The following NRXN3 variants were observed in gnomAD, a reference collection of about 807,000 sequenced individuals.
NRXN3 encodes the protein neurexin 3.
Under a neutral mutation model 137.6 loss-of-function variants are expected in NRXN3, and 32 were observed. That is an observed-to-expected ratio of 0.23 (90% CI 0.18 to 0.31). The LOEUF (loss-of-function observed/expected upper bound fraction) is 0.31, where lower values mean the gene tolerates loss of function less well. Ranked by LOEUF, NRXN3 falls within the 10% of genes least tolerant of loss-of-function variation. The pLI is 1.00. For synonymous variants in NRXN3, 798 were observed against 784.5 expected, an observed-to-expected ratio of 1.02 and a Z score of -0.29; for missense variants, 1,574 against 2,062.5, an observed-to-expected ratio of 0.76 and a Z score of 4.59.
chr14:79,241,199 A>C lies in NRXN3; in HGVS notation c.3263-226022A>C, dbSNP rs75310262. Among the ~76,000 whole-genome samples the C allele has an allele frequency of 8.5e-3, 1,295 of 152,298 alleles. 11 individuals are homozygous for C. Among genetic ancestry groups the C allele is most frequent in the Middle Eastern group, 0.034 (10 of 294 alleles). On this transcript the variant is annotated intron_variant, in intron 15 of 20. Transcript: ENST00000335750. ...GATAGGACAAGATGAAAAATAGCCTAGGAAAGATCAAGAAAGACCAACATC... is the reference window on the plus strand; with the variant it reads ...GATAGGACAAGATGAAAAATAGCCTCGGAAAGATCAAGAAAGACCAACATC...
intron 15 of NRXN3, among the ~76,000 whole-genome samples, chr14:79,016,097 C>G (rs1475779919): frequency 6.6e-6 from 1 of 152,116 alleles, no homozygotes; most frequent in Non-Finnish European, 1.5e-5. Flanking sequence ...CTCTTTCTGC[C>G]TGATGTAGCA....
intron 15 of NRXN3, among the ~76,000 whole-genome samples, chr14:79,046,399 A>C (rs1175500324): frequency 1.3e-5 from 2 of 152,226 alleles, no homozygotes; most frequent in African/African-American, 2.4e-5. Flanking sequence ...ATCAGCAAGG[A>C]GTAAGTATGC....
intron 15 of NRXN3, among the ~76,000 whole-genome samples, chr14:79,153,976 G>C (rs557842147): frequency 6.6e-6 from 1 of 152,106 alleles, no homozygotes; most frequent in Admixed American, 6.5e-5. Context: ...GGAAGAAGCA[G>C]GGTCACGCAG....
At chr14:78,170,880 C>T (rs1021431642) in intron 1 of NRXN3, among the ~76,000 whole-genome samples, 3 of 151,714 alleles carry the variant, frequency 2.0e-5, no homozygotes, top group African/African-American at 7.3e-5. Flanking sequence ...TTCAGTTTCT[C>T]CTGGAAGTTG....
At chr14:78,651,116 T>A in intron 5 of NRXN3, 49 bp from the exon 6 acceptor site, 1 of 1,576,760 alleles carries the variant, frequency 6.3e-7, no homozygotes, top group Non-Finnish European at 8.7e-7. Flanking sequence ...TATGATAGGA[T>A]CGTAAGGTCA....
At chr14:79,447,714 C>T (rs892999419) in intron 15 of NRXN3, among the ~76,000 whole-genome samples, 1 of 152,188 alleles carries the variant, frequency 6.6e-6, no homozygotes, top group African/African-American at 2.4e-5. Context: ...AGTGCTTTTA[C>T]ACCTTTTGAG....
rs1245710292 is a variant in NRXN3, at chr14:78,235,426, A to G, written c.-703-6965A>G. On this transcript the variant is annotated intron_variant, in intron 1 of 20. Coordinates refer to ENST00000335750, the MANE Select transcript of NRXN3 (RefSeq NM_001330195.2). ...GAATGCTGTTCTTTAGCCAGTGACC[A>G]GTCTTCTTGGTCTGTCTGCCTCACA... Among the ~76,000 whole-genome samples the G allele has an allele frequency of 2.0e-5, 3 of 152,008 alleles. No individual in the cohort carries two copies. In the East Asian group the frequency reaches 5.8e-4, roughly 29 times the overall value.
At chr14:79,825,313 G>GTGTGT (rs577081745) in intron 20 of NRXN3, among the ~76,000 whole-genome samples, 12 of 147,290 alleles carry the variant, frequency 8.1e-5, no homozygotes, top group Non-Finnish European at 1.6e-4. Context: ...CTCGATAAAT[G>GTGTGT]TGTGTTCACC....
chr14:79,155,538 T>G (rs183060056), intron 15 of NRXN3, among the ~76,000 whole-genome samples: 12 of 152,038 alleles, frequency 7.9e-5, no homozygotes, highest in African/African-American at 2.9e-4. Context: ...TAAATATATT[T>G]ATTTTGAAAG....
chr14:78,814,537 T>G (rs2194528), intron 10 of NRXN3, among the ~76,000 whole-genome samples: 1 of 152,154 alleles, frequency 6.6e-6, no homozygotes, highest in South Asian at 2.1e-4. Context: ...ATCGCTTGAA[T>G]CCAGGAGGCG....
At chr14:78,643,296 C>CTACACTCCTTATTTTGT (rs2097653648) in intron 4 of NRXN3, among the ~76,000 whole-genome samples, 1 of 152,062 alleles carries the variant, frequency 6.6e-6, no homozygotes, top group South Asian at 2.1e-4. Flanking sequence ...GTAGTTCCGG[C>CTACACTCCTTATTTTGT]AGGGAAAATA....
intron 15 of NRXN3, among the ~76,000 whole-genome samples, chr14:79,046,593 G>A (rs2099633415): frequency 6.6e-6 from 1 of 152,144 alleles, no homozygotes; most frequent in Non-Finnish European, 1.5e-5. Flanking sequence ...AGGGGACATA[G>A]GATCTTGTAG....
intron 20 of NRXN3, among the ~76,000 whole-genome samples, chr14:79,845,245 G>C (rs2099364576): frequency 6.6e-6 from 1 of 152,144 alleles, no homozygotes; most frequent in South Asian, 2.1e-4. Flanking sequence ...CAATAAGGCT[G>C]TTTTACTTTC....
intron 15 of NRXN3, among the ~76,000 whole-genome samples, chr14:79,461,777 TA>T (rs2096345257): frequency 6.6e-6 from 1 of 152,208 alleles, no homozygotes; most frequent in South Asian, 2.1e-4. Context: ...CAAAAGGATT[TA>T]CCAGTTTATA....
At chr14:79,851,923 T>G (rs933741913) in intron 20 of NRXN3, among the ~76,000 whole-genome samples, 1 of 152,102 alleles carries the variant, frequency 6.6e-6, no homozygotes, top group African/African-American at 2.4e-5. Context: ...GTCCTGTAGT[T>G]TACAGACACT....
At chr14:78,519,569 A>G (rs2096258248) in intron 4 of NRXN3, among the ~76,000 whole-genome samples, 9 of 152,132 alleles carry the variant, frequency 5.9e-5, no homozygotes, top group Admixed American at 5.2e-4. Context: ...AAAAGAAAAA[A>G]CCACCATACT....
chr14:78,326,926 C>CA (rs35177007), intron 4 of NRXN3, among the ~76,000 whole-genome samples: 33,968 of 118,058 alleles, frequency 0.29, 3,892 homozygotes, highest in South Asian at 0.32. Flanking sequence ...GAGTGAGTTA[C>CA]AAAAAAAAAA....
intron 8 of NRXN3, chr14:78,745,016 C>T (rs2098600717): frequency 6.6e-6 from 1 of 152,162 alleles, no homozygotes; most frequent in Admixed American, 6.5e-5. Flanking sequence ...ATTAGTCAAG[C>T]TACAAGACAC....
intron 15 of NRXN3, among the ~76,000 whole-genome samples, chr14:79,370,772 TA>T (rs1348113130): frequency 2.6e-5 from 4 of 152,162 alleles, no homozygotes; most frequent in Non-Finnish European, 5.9e-5. Flanking sequence ...TTCTTTTCAA[TA>T]AAAACATTTC....
Sources: gnomAD v4.1 joint callset for allele counts (sites outside exome capture counted in the v4.1 genomes callset) on GRCh38, gnomAD v4.1.1 for gene constraint, MANE v1.5 for transcripts, NCBI Gene and HGNC (gene_info 2026-07-23, HGNC 2026-07-21) for gene names.